Variants in TANK observed in about 807,000 individuals in gnomAD.
The protein encoded by TANK is TRAF family member associated NFKB activator, also known as TRAF family member-associated NF-kappa-B activator.
A neutral mutation model predicts 43.6 loss-of-function variants in TANK; 15 were observed. The ratio of observed to expected loss-of-function variants is 0.34; its 90% CI spans 0.23 to 0.53. TANK has a LOEUF of 0.53. Ranked by LOEUF, TANK falls within the 20% of genes least tolerant of loss-of-function variation. The probability of loss-of-function intolerance (pLI) is 0.94; values close to 1 mark genes in which losing one functional copy is unlikely to be tolerated. For synonymous variants in TANK, 162 were observed against 178.2 expected (o/e 0.91, Z 0.73); for missense variants, 417 against 498.6 (o/e 0.84, Z 1.56).
intron 2 of TANK, among the ~76,000 whole-genome samples, chr2:161,182,066 T>G (rs924007535): frequency 1.3e-5 from 2 of 151,922 alleles, no homozygotes; most frequent in African/African-American, 4.8e-5. Context: ...CGTCACAGAA[T>G]TGAAGTTTAG....
rs1001895240 is a variant in TANK at position 161,179,882 on chromosome 2, G to A, written c.99+121G>A. 2.9e-6 allele frequency: 4 copies of A among 1,372,618 alleles called. No individual in the cohort carries two copies. In the Admixed American group the frequency reaches 1.2e-4, roughly 43 times the overall value. 85.0% of individuals were successfully genotyped at this position (1,372,618 alleles called of 1,614,324 possible). ...CCTGAAGAACTATAATTACAGAAAT[G>A]CAGGTATATATTAATGGATTAAATT... On this transcript the variant is annotated intron_variant, in intron 2 of 7. Transcript: ENST00000392749.
chr2:161,201,638 A>G (rs1484999644), intron 2 of TANK, among the ~76,000 whole-genome samples: 1 of 152,228 alleles, frequency 6.6e-6, no homozygotes, highest in Non-Finnish European at 1.5e-5. Context: ...AGAAATATAT[A>G]GAGAAGACTG....
At chr2:161,182,879 C>T (rs545555878) in intron 2 of TANK, among the ~76,000 whole-genome samples, 1 of 152,230 alleles carries the variant, frequency 6.6e-6, no homozygotes, top group Admixed American at 6.5e-5. Context: ...TCTGATAACC[C>T]ATAGTCATAT....
chr2:161,196,488 T>C (rs997349683), intron 2 of TANK, among the ~76,000 whole-genome samples: 3 of 152,188 alleles, frequency 2.0e-5, no homozygotes, highest in South Asian at 2.1e-4. Flanking sequence ...GCTTGGGCTT[T>C]GTATTCAGGC....
At chr2:161,194,302 A>G (rs1195469018) in intron 2 of TANK, among the ~76,000 whole-genome samples, 1 of 152,056 alleles carries the variant, frequency 6.6e-6, no homozygotes, top group African/African-American at 2.4e-5. Flanking sequence ...GAAATTTGAA[A>G]TGGAATTTTT....
chr2:161,152,607 G>C (rs1684110565), intron 1 of TANK, among the ~76,000 whole-genome samples: 1 of 152,058 alleles, frequency 6.6e-6, no homozygotes, highest in South Asian at 2.1e-4. Flanking sequence ...CAAAAATTGA[G>C]AGTATCTGTA....
At chr2:161,181,789 C>A (rs1207825706) in intron 2 of TANK, among the ~76,000 whole-genome samples, 1 of 152,100 alleles carries the variant, frequency 6.6e-6, no homozygotes, top group Admixed American at 6.5e-5. Flanking sequence ...TACACAGAGG[C>A]AAACCACATC....
chr2:161,160,586 C>A, intron 1 of TANK, 100 bp downstream of exon 1: 1 of 996,046 alleles, frequency 1.0e-6, no homozygotes, highest in Non-Finnish European at 1.4e-6. Flanking sequence ...ACAGTAGGGG[C>A]GCCGCAGGGA....
chr2:161,222,032 C>A (rs1687371196), intron 4 of TANK, among the ~76,000 whole-genome samples: 1 of 152,040 alleles, frequency 6.6e-6, no homozygotes, highest in Non-Finnish European at 1.5e-5. Flanking sequence ...AAGTTAGCAT[C>A]AATTATTTAC....
chr2:161,161,299 A>G, intron 1 of TANK: 1 of 1,550,620 alleles, frequency 6.4e-7, no homozygotes, highest in South Asian at 1.2e-5. Context: ...TGCTTTTGAC[A>G]AGTTATAATA....
At chr2:161,156,767 G>A (rs575027480), upstream of TANK, among the ~76,000 whole-genome samples, 27 of 152,260 alleles carry the variant, frequency 1.8e-4, no homozygotes, top group South Asian at 2.7e-3. Context: ...TTGTCACTGC[G>A]GGTGTTGGGC....
intron 6 of TANK, among the ~76,000 whole-genome samples, chr2:161,230,151 A>C (rs1291997862): frequency 6.6e-6 from 1 of 152,174 alleles, no homozygotes; most frequent in Admixed American, 6.5e-5. Flanking sequence ...TGTTAGAATA[A>C]ATCTAAAATG....
At chr2:161,220,493 C>T (rs1441694309) in intron 4 of TANK, among the ~76,000 whole-genome samples, 1 of 152,026 alleles carries the variant, frequency 6.6e-6, no homozygotes, top group Non-Finnish European at 1.5e-5. Flanking sequence ...ATCTCAGCTA[C>T]TTGGGAGGCT....
At chr2:161,169,204 T>C (rs1007230278) in intron 1 of TANK, among the ~76,000 whole-genome samples, 1 of 152,158 alleles carries the variant, frequency 6.6e-6, no homozygotes, top group East Asian at 1.9e-4. Context: ...GAGCAACTAG[T>C]CTAGATTGGA....
chr2:161,178,305 A>G (rs903818893), intron 1 of TANK, among the ~76,000 whole-genome samples: 3 of 152,174 alleles, frequency 2.0e-5, no homozygotes, highest in African/African-American at 7.2e-5. Context: ...ATATCTTACA[A>G]TGGAATATTA....
chr2:161,232,560 T>G (rs1198111254), intron 7 of TANK, among the ~76,000 whole-genome samples: 2 of 152,238 alleles, frequency 1.3e-5, no homozygotes, highest in Non-Finnish European at 2.9e-5. Context: ...ACTTATGTTC[T>G]TGTTCATTGT....
At chr2:161,193,435 C>CT (rs1353684325) in intron 2 of TANK, among the ~76,000 whole-genome samples, 1 of 152,188 alleles carries the variant, frequency 6.6e-6, no homozygotes, top group Admixed American at 6.5e-5. Flanking sequence ...TGACTTTTGT[C>CT]TGTGCTTGGC....
At chr2:161,143,408 A>C (rs1683809106) in intron 1 of TANK, among the ~76,000 whole-genome samples, 1 of 152,226 alleles carries the variant, frequency 6.6e-6, no homozygotes, top group Admixed American at 6.5e-5. Flanking sequence ...GATGGTTTTC[A>C]AAGGAAATGC....
At chr2:161,180,619 A>G (rs1465471176) in intron 2 of TANK, among the ~76,000 whole-genome samples, 3 of 152,104 alleles carry the variant, frequency 2.0e-5, no homozygotes, top group Non-Finnish European at 4.4e-5. Flanking sequence ...TCTCCTTTTT[A>G]TTATGTTTAC....
Sources: allele counts gnomAD v4.1 joint callset (sites outside exome capture counted in the v4.1 genomes callset), GRCh38; gene constraint gnomAD v4.1.1; transcripts MANE v1.5; gene names NCBI Gene and HGNC (gene_info 2026-07-23, HGNC 2026-07-21).